Variants in HEATR4 observed in about 807,000 individuals in gnomAD.
The protein encoded by HEATR4 is HEAT repeat containing 4.
A neutral mutation model predicts 108.8 loss-of-function variants in HEATR4; 95 were observed. The observed-to-expected ratio is 0.87, with a 90% confidence interval of 0.74 to 1.04. HEATR4 has a LOEUF of 1.04. Among genes scored for constraint, HEATR4 ranks in the 50% least tolerant of loss-of-function variants. HEATR4 has a pLI of 0.00. For missense variants in HEATR4, 1,152 were observed against 1,253.8 expected, an observed-to-expected ratio of 0.92 and a Z score of 1.23; for synonymous variants, 443 against 459.4, an observed-to-expected ratio of 0.96 and a Z score of 0.46.
intron 1 of HEATR4, among the ~76,000 whole-genome samples, chr14:73,555,958 T>C (rs1889386635): frequency 9.0e-6 from 1 of 111,410 alleles, no homozygotes; most frequent in Non-Finnish European, 2.0e-5. Context: ...CGAGCCGAGA[T>C]CGTGCCACCG....
the HEATR4 span, among the ~76,000 whole-genome samples, chr14:73,576,735 G>A: frequency 7.4e-6 from 1 of 134,602 alleles, no homozygotes; most frequent in Non-Finnish European, 1.5e-5. Context: ...GGCAGAGGTT[G>A]CAGTGAGCTG....
chr14:73,592,254 C>T, the HEATR4 span: 1 of 1,613,286 alleles, frequency 6.2e-7, no homozygotes, highest in Non-Finnish European at 8.5e-7. Context: ...GCGGGACGTA[C>T]AGATTCCTTT....
upstream of HEATR4, among the ~76,000 whole-genome samples, chr14:73,563,137 T>A (rs1048793614): frequency 6.6e-6 from 1 of 152,012 alleles, no homozygotes; most frequent in Non-Finnish European, 1.5e-5. Context: ...CCTACCAATA[T>A]GTGATGTCAC....
chr14:73,614,375 T>G, the HEATR4 span, among the ~76,000 whole-genome samples: 1 of 152,186 alleles, frequency 6.6e-6, no homozygotes, highest in Non-Finnish European at 1.5e-5. Flanking sequence ...GGGCTGGAAT[T>G]GGGTCTTACA....
chr14:73,592,484 AT>A, the HEATR4 span: 1 of 1,424,564 alleles, frequency 7.0e-7, no homozygotes, highest in Non-Finnish European at 9.2e-7. Context: ...TCCAGTGCTG[AT>A]TTAGCACTGG....
rs758595989 is a variant in HEATR4 at position 73,514,286 on chromosome 14, C to CCA, written c.1211-54_1211-53dup. ...TTTCACCCCACTGCCTTAGGCCCTG[C>CCA]CACACAGTGGCCCCAGCTTGCATCC... On this transcript the variant is annotated intron_variant, in intron 5 of 17. Transcript: ENST00000553558. The CCA allele has an allele frequency of 2.0e-6, 3 of 1,527,118 alleles. No individual in the cohort carries two copies. The Admixed American group carries it at 5.5e-5, about 28-fold the overall frequency. 94.6% of individuals were successfully genotyped at this position (1,527,118 alleles called of 1,614,324 possible). A position where few individuals can be genotyped will look rare whatever the true frequency, so the allele number is the denominator to read the frequency against.
chr14:73,608,831 G>A, the HEATR4 span, among the ~76,000 whole-genome samples: 1 of 152,208 alleles, frequency 6.6e-6, no homozygotes, highest in Non-Finnish European at 1.5e-5. Flanking sequence ...CATGGCTGAG[G>A]AGGCCTCAGG....
At chr14:73,629,437 G>C in the HEATR4 span, among the ~76,000 whole-genome samples, 5 of 152,148 alleles carry the variant, frequency 3.3e-5, no homozygotes, top group Non-Finnish European at 7.3e-5. Flanking sequence ...TAAGGAAATG[G>C]AGATCCAAGA....
rs1432638806 is a variant in HEATR4 at position 73,506,536 on chromosome 14, G to A, written c.1917C>T (p.Asn639=). ...CAATCCGGTTCTTCCATTGACAGCT[G>A]TTCAGCTCCACAGCAAGCATGGTGT... ...LIHTMLAVEL[N]SCQWKNRIVA... Residue 639 remains asparagine, a synonymous_variant, in exon 10 of 18, where the codon AAC becomes AAT. Transcript: ENST00000553558. 1 of 1,613,750 alleles carries A rather than the reference G, an allele frequency of 6.2e-7. No homozygotes were observed. Among genetic ancestry groups the A allele is most frequent in the Admixed American group, 1.7e-5 (1 of 60,010 alleles).
intron 1 of HEATR4, among the ~76,000 whole-genome samples, chr14:73,538,611 CAAA>C (rs59948219): frequency 3.7e-5 from 1 of 27,242 alleles, no homozygotes; most frequent in African/African-American, 1.0e-4. Context: ...GACTCCGTCT[CAAA>C]AAAAAAAAAA....
At chr14:73,574,866 T>C in the HEATR4 span, 2 of 1,613,202 alleles carry the variant, frequency 1.2e-6, no homozygotes, top group Non-Finnish European at 1.7e-6. Context: ...TTCCACTGTT[T>C]GTGGAATCAT....
chr14:73,522,207 C>G (rs1424714732), intron 3 of HEATR4, 65 bp downstream of exon 3: 3 of 1,519,408 alleles, frequency 2.0e-6, no homozygotes, highest in Non-Finnish European at 2.7e-6. Flanking sequence ...TGTGAGTCCA[C>G]CTGGGAGTCC....
intron 17 of HEATR4, chr14:73,491,698 G>C (rs1199131733): frequency 1.3e-6 from 2 of 1,549,974 alleles, no homozygotes; most frequent in Non-Finnish European, 1.7e-6. Context: ...AGCGCGAGGC[G>C]GTGCTGGTGC....
chr14:73,579,265 TAAAAAAAAAA>T, the HEATR4 span, among the ~76,000 whole-genome samples: 4,201 of 70,910 alleles, frequency 0.059, 156 homozygotes, highest in South Asian at 0.14. Context: ...TCAAAAAAAT[TAAAAAAAAAA>T]AAAAAAAAAA....
the HEATR4 span, chr14:73,595,786 T>C: frequency 8.6e-7 from 1 of 1,161,914 alleles, no homozygotes; most frequent in Non-Finnish European, 1.1e-6. Flanking sequence ...TTACGTAACT[T>C]TGTTGAATAA....
Position 73,492,860 on chromosome 14 carries a change from A to G in HEATR4, c.2844+206T>C, listed in dbSNP as rs1885870085. ...GAGAGTGGGGGACCTGCCCTGTGAC[A>G]GTGTGGAGGACCAGCTGTCCTTGGC... is the stretch of plus-strand genomic sequence containing the variant. On this transcript the variant is annotated intron_variant, in intron 17 of 17. Coordinates refer to ENST00000553558, the MANE Select transcript of HEATR4 (RefSeq NM_001220484.1). The surrounding 1 kb of genome is among the most constrained non-coding windows in gnomAD (Gnocchi z 4.9). 5.6e-6 allele frequency: 9 copies of G among 1,613,918 alleles called. No homozygotes were observed. Among genetic ancestry groups the G allele is most frequent in the Non-Finnish European group, 7.6e-6 (9 of 1,179,866 alleles).
At chr14:73,592,097 C>G in the HEATR4 span, 1 of 1,500,914 alleles carries the variant, frequency 6.7e-7, no homozygotes, top group Non-Finnish European at 8.9e-7. Flanking sequence ...GCGCGCTCTT[C>G]CGGGCCCACG....
chr14:73,591,850 A>C, the HEATR4 span: 1 of 1,092,568 alleles, frequency 9.2e-7, no homozygotes, highest in South Asian at 2.8e-5. Flanking sequence ...AGCCACCGGC[A>C]GCTTCCGGCA....
At chr14:73,569,168 T>C in the HEATR4 span, 1 of 1,559,256 alleles carries the variant, frequency 6.4e-7, no homozygotes, top group Non-Finnish European at 8.7e-7. Context: ...GGCTGGACTC[T>C]GGCCTTCCCC....
Sources: gnomAD v4.1 joint callset for allele counts (sites outside exome capture counted in the v4.1 genomes callset) on GRCh38, gnomAD v4.1.1 for gene constraint, Gnocchi (gnomAD v3.1) non-coding constraint, MANE v1.5 for transcripts, NCBI Gene and HGNC (gene_info 2026-07-23, HGNC 2026-07-21) for gene names.